SKP2: variants seen among roughly 807,000 people sequenced by gnomAD.
The protein encoded by SKP2 is S-phase kinase associated protein 2.
Under a neutral mutation model 51.8 loss-of-function variants are expected in SKP2, and 16 were observed. The ratio of observed to expected loss-of-function variants is 0.31; its 90% CI spans 0.21 to 0.47. The LOEUF is 0.47. Ranked by LOEUF, SKP2 falls within the 20% of genes least tolerant of loss-of-function variation. The pLI, the probability that SKP2 is intolerant of heterozygous loss-of-function variation, is 1.00. For synonymous variants in SKP2, 176 were observed against 198.6 expected (o/e 0.89, Z 0.96); for missense variants, 377 against 505.3 (o/e 0.75, Z 2.43).
At chr5:36,180,446 A>G (rs544936913) in intron 9 of SKP2, among the ~76,000 whole-genome samples, 4 of 152,302 alleles carry the variant, frequency 2.6e-5, no homozygotes, top group African/African-American at 7.2e-5. Flanking sequence ...GTGAACAAGC[A>G]TATTTATTTC....
intron 2 of SKP2, among the ~76,000 whole-genome samples, chr5:36,162,264 C>CT (rs35357447): frequency 0.74 from 112,529 of 151,702 alleles, 43,721 homozygotes; most frequent in Non-Finnish European, 0.87. Flanking sequence ...CCTACCTCTG[C>CT]GCTCTACACT....
chr5:36,165,425 G>A (rs965185970), intron 3 of SKP2, among the ~76,000 whole-genome samples: 5 of 152,128 alleles, frequency 3.3e-5, no homozygotes, highest in Non-Finnish European at 7.4e-5. Context: ...CTTCTCCCAG[G>A]TTGTTGTTAT....
intron 4 of SKP2, 74 bp downstream of exon 4, chr5:36,166,736 T>TTTTC: frequency 7.2e-7 from 1 of 1,381,950 alleles, no homozygotes; most frequent in African/African-American, 1.5e-5. Flanking sequence ...TTTTTTTTTT[T>TTTTC]TTTTCTTTCT....
intron 7 of SKP2, among the ~76,000 whole-genome samples, chr5:36,174,695 C>T (rs1043510146): frequency 1.3e-5 from 2 of 151,890 alleles, no homozygotes; most frequent in African/African-American, 2.4e-5. Flanking sequence ...GCAGAGTAAC[C>T]AGATAGAATG....
chr5:36,180,585 G>T (rs761398578), intron 9 of SKP2, among the ~76,000 whole-genome samples: 24 of 152,304 alleles, frequency 1.6e-4, no homozygotes, highest in Non-Finnish European at 3.1e-4. Context: ...GTAGTGGGAA[G>T]ACTGGAAGAG....
Position 36,183,104 on chromosome 5 carries a change from A to G in SKP2, c.*1073A>G, listed in dbSNP as rs557214215. 6 of 984,532 alleles carry G rather than the reference A, an allele frequency of 6.1e-6. No individual in the cohort carries two copies. In the African/African-American group the frequency reaches 1.0e-4, roughly 17 times the overall value. The allele number at this position is 984,532 out of a possible 1,614,324, so 61.0% of individuals were successfully genotyped here. ...AACTGCATGTTCTCTTCAATCAGAAATATACAGTAGAAGCAGGTATATCTT... is the reference window on the plus strand; with the variant it reads ...AACTGCATGTTCTCTTCAATCAGAAGTATACAGTAGAAGCAGGTATATCTT... On this transcript the variant is annotated 3_prime_UTR_variant, in exon 10 of 10. Transcript: ENST00000274255.
chr5:36,152,322 T>C, intron 1 of SKP2, 52 bp downstream of exon 1: 1 of 1,541,156 alleles, frequency 6.5e-7, no homozygotes, highest in Non-Finnish European at 9.0e-7. Flanking sequence ...TCTTAATAAT[T>C]CTTTTAGGCC....
intron 6 of SKP2, among the ~76,000 whole-genome samples, chr5:36,190,360 C>G (rs902395334): frequency 6.6e-6 from 1 of 152,156 alleles, no homozygotes; most frequent in Non-Finnish European, 1.5e-5. Flanking sequence ...CATCTTGGAA[C>G]CACCTCACCA....
intron 9 of SKP2, among the ~76,000 whole-genome samples, chr5:36,181,407 A>ATG (rs1745806222): frequency 6.6e-6 from 1 of 152,194 alleles, no homozygotes; most frequent in Non-Finnish European, 1.5e-5. Flanking sequence ...CTTAATTTGC[A>ATG]TGTAACCTGT....
intron 2 of SKP2, among the ~76,000 whole-genome samples, chr5:36,159,268 C>T (rs551981075): frequency 6.6e-6 from 1 of 152,316 alleles, no homozygotes; most frequent in African/African-American, 2.4e-5. Flanking sequence ...CTGACCTCTG[C>T]ATTCATCACT....
At chr5:36,154,557 C>A (rs1031624770) in intron 2 of SKP2, among the ~76,000 whole-genome samples, 2 of 152,254 alleles carry the variant, frequency 1.3e-5, no homozygotes, top group East Asian at 3.9e-4. Flanking sequence ...ATTTTCAAGA[C>A]GGAGTCTTGC....
chr5:36,189,714 C>T (rs756101161), intron 6 of SKP2, among the ~76,000 whole-genome samples: 1 of 152,210 alleles, frequency 6.6e-6, no homozygotes, highest in Admixed American at 6.5e-5. Flanking sequence ...ATCTCAAACT[C>T]TGTGCTGGGA....
Position 36,182,049 on chromosome 5 carries a change from G to T in SKP2, c.*18G>T, listed in dbSNP as rs759732877. On this transcript the variant is annotated 3_prime_UTR_variant, in exon 10 of 10. Transcript: ENST00000274255. ...GTCTATGAAGTATTTATTGCAGGAT[G>T]GTGTCTCTTCTTTAGAACAGGGAAA... 5.0e-6 allele frequency: 8 copies of T among 1,612,662 alleles called. No homozygotes were observed. Among genetic ancestry groups the T allele is most frequent in the Non-Finnish European group, 6.8e-6 (8 of 1,179,138 alleles).
rs540779782 is a variant in SKP2, at chr5:36,163,981, T to C, written c.392+225T>C. ...GTCTGGAAACCTCTTTGCCCTGTAT[T>C]CAGTGCAGCATGTGTTTATGGGATG... On this transcript the variant is annotated intron_variant, in intron 3 of 9. Coordinates refer to ENST00000274255, the MANE Select transcript of SKP2 (RefSeq NM_005983.4). Among the ~76,000 whole-genome samples, 9 of 152,278 alleles carry C rather than the reference T, an allele frequency of 5.9e-5. No individual in the cohort carries two copies. The South Asian group carries it at 1.0e-3, about 18-fold the overall frequency.
Position 36,153,934 on chromosome 5 carries a change from A to G in SKP2, c.280+892A>G, listed in dbSNP as rs532401176. 3.9e-5 allele frequency among the ~76,000 whole-genome samples: 6 copies of G among 152,290 alleles called. No individual in the cohort carries two copies. The South Asian group carries it at 1.2e-3, about 32-fold the overall frequency. On this transcript the variant is annotated intron_variant, in intron 2 of 9. Transcript: ENST00000274255. ...TATCAGTTTTTCTTACTAGTAAGCTATTTAAAACAGTAATACAGCAAATAT... is the reference window on the plus strand; with the variant it reads ...TATCAGTTTTTCTTACTAGTAAGCTGTTTAAAACAGTAATACAGCAAATAT...
At chr5:36,190,228 TGCACCCACTGTCC>T (rs1394315924) in intron 6 of SKP2, among the ~76,000 whole-genome samples, 11 of 52,338 alleles carry the variant, frequency 2.1e-4, no homozygotes, top group East Asian at 8.4e-4. Flanking sequence ...CCCACTGTCC[TGCACCCACTGTCC>T]GACACCCCCA....
chr5:36,157,614 A>G (rs1396254414), intron 2 of SKP2, among the ~76,000 whole-genome samples: 1 of 152,182 alleles, frequency 6.6e-6, no homozygotes, highest in Non-Finnish European at 1.5e-5. Flanking sequence ...TGCTACTTAA[A>G]ACAAGCCAGC....
chr5:36,183,671 C>CTT lies in SKP2; in HGVS notation c.*1650_*1651dup. ...AGCTAACACCAGTCATTTATATTAA[C>CTT]TTTTTTTTTTTAAATCAAAAATTGT... On this transcript the variant is annotated 3_prime_UTR_variant, in exon 10 of 10. Coordinates refer to ENST00000274255, the MANE Select transcript of SKP2 (RefSeq NM_005983.4). The CTT allele has an allele frequency of 7.0e-6, 7 of 995,464 alleles. No individual in the cohort carries two copies. The highest frequency in any genetic ancestry group is 6.4e-6 in the Non-Finnish European group (5 of 779,656). The allele number at this position is 995,464 out of a possible 1,614,324, so 61.7% of individuals were successfully genotyped here. A position where few individuals can be genotyped will look rare whatever the true frequency, so the allele number is the denominator to read the frequency against.
chr5:36,153,950 C>G (rs559636952), intron 2 of SKP2, among the ~76,000 whole-genome samples: 1 of 152,282 alleles, frequency 6.6e-6, no homozygotes, highest in East Asian at 1.9e-4. Context: ...AACAGTAATA[C>G]AGCAAATATT....
Sources: allele counts gnomAD v4.1 joint callset (sites outside exome capture counted in the v4.1 genomes callset), GRCh38; gene constraint gnomAD v4.1.1; transcripts MANE v1.5; gene names NCBI Gene and HGNC (gene_info 2026-07-23, HGNC 2026-07-21).